INTS4: variants seen among roughly 807,000 people sequenced by gnomAD.
INTS4 encodes MSTP093.
A neutral mutation model predicts 119.5 loss-of-function variants in INTS4; 70 were observed. The observed-to-expected ratio is 0.59, with a 90% CI of 0.48 to 0.71. INTS4 has a LOEUF of 0.71. Ranked by LOEUF, INTS4 falls within the 30% of genes least tolerant of loss-of-function variation. The pLI is 0.00. For missense variants in INTS4, 867 were observed against 1,173.2 expected, an observed-to-expected ratio of 0.74 and a Z score of 3.81; for synonymous variants, 316 against 419.6, an observed-to-expected ratio of 0.75 and a Z score of 3.02.
At chr11:77,980,090 G>GATA (rs1856146844) in intron 3 of INTS4, among the ~76,000 whole-genome samples, 1 of 150,476 alleles carries the variant, frequency 6.6e-6, no homozygotes, top group Non-Finnish European at 1.5e-5. Context: ...GGCCTTCCAT[G>GATA]TTGTCTACCC....
At position 77,938,785 on chromosome 11, in the gene INTS4, C is replaced by G. The variant is rs772757790; in HGVS notation, c.1031G>C (p.Ser344Thr). ...TAHERAKELY[S>T]SGEFSSGRKW... ...TCTGCCACTGGAAAACTCCCCCGAA[C>G]TGTAAAGTTCCTTGGCACGCTCATG... The change falls in exon 10 of 23, where the codon AGT (serine) becomes ACT (threonine). Residue 344 changes from serine to threonine, a missense_variant. Coordinates refer to ENST00000534064, the MANE Select transcript of INTS4 (RefSeq NM_033547.4). The G allele has an allele frequency of 6.8e-6, 11 of 1,611,934 alleles. No homozygotes were observed. Among genetic ancestry groups the G allele is most frequent in the Non-Finnish European group, 9.3e-6 (11 of 1,179,880 alleles).
At chr11:77,971,836 A>C (rs7938648) in intron 4 of INTS4, among the ~76,000 whole-genome samples, 115,035 of 151,982 alleles carry the variant, frequency 0.76, 44,263 homozygotes, top group African/African-American at 0.89. Context: ...AATCCACTCC[A>C]AAATCCAAAG....
In INTS4 at chr11:77,994,584, G is replaced by A. The variant is rs756139388; in HGVS notation, c.54+6C>T. The A allele has an allele frequency of 6.2e-7, 1 of 1,607,422 alleles. No homozygotes were observed. Among genetic ancestry groups the A allele is most frequent in the East Asian group, 2.2e-5 (1 of 44,856 alleles). ...TCGGTTCTGGATCTTTCCCGCCAGA[G>A]CTTACCTGAACCACTTTCGTGAATT... On this transcript the variant is annotated splice_donor_region_variant and intron_variant, in intron 1 of 22. Transcript: ENST00000534064.
chr11:77,920,053 C>T (rs952356420), intron 14 of INTS4, among the ~76,000 whole-genome samples: 1 of 151,918 alleles, frequency 6.6e-6, no homozygotes, highest in Non-Finnish European at 1.5e-5. Context: ...AGATGATCCA[C>T]CCGCCTTGGC....
intron 5 of INTS4, 22 bp downstream of exon 5, chr11:77,960,931 T>G (rs745360833): frequency 1.6e-5 from 25 of 1,584,062 alleles, no homozygotes; most frequent in Non-Finnish European, 2.1e-5. Flanking sequence ...TAGCCCCAAC[T>G]AGTTTCCATA....
intron 12 of INTS4, among the ~76,000 whole-genome samples, chr11:77,923,336 A>T (rs1374823509): frequency 6.9e-6 from 1 of 145,656 alleles, no homozygotes; most frequent in Non-Finnish European, 1.5e-5. Context: ...AAAAAAAAAA[A>T]GCCAAGAGAA....
intron 4 of INTS4, among the ~76,000 whole-genome samples, chr11:77,970,345 G>A (rs1254525975): frequency 6.6e-6 from 1 of 151,856 alleles, no homozygotes; most frequent in Non-Finnish European, 1.5e-5. Flanking sequence ...GTTGCAGTGA[G>A]CCAAGATCGC....
intron 10 of INTS4, 93 bp from the exon 11 acceptor site, chr11:77,928,640 T>C (rs1167883402): frequency 1.3e-6 from 2 of 1,510,372 alleles, no homozygotes; most frequent in East Asian, 2.5e-5. Context: ...GGGAGGCAGA[T>C]CACTTGAGCC....
chr11:77,947,856 T>G (rs772283314), intron 8 of INTS4, among the ~76,000 whole-genome samples: 34 of 152,116 alleles, frequency 2.2e-4, no homozygotes, highest in Non-Finnish European at 4.4e-4. Flanking sequence ...ACTTTTTTTT[T>G]CCCCCTTGAG....
chr11:77,934,746 T>C (rs1269753103), intron 10 of INTS4, among the ~76,000 whole-genome samples: 2 of 152,234 alleles, frequency 1.3e-5, no homozygotes, highest in Non-Finnish European at 2.9e-5. Context: ...TTCCTTATTA[T>C]CCAATATTAT....
downstream of INTS4, chr11:77,877,101 T>G: frequency 1.4e-6 from 1 of 699,322 alleles, no homozygotes; most frequent in East Asian, 2.7e-5. Flanking sequence ...CTTCCCCTAG[T>G]CCCTCTTTCG....
At chr11:77,991,870 ACTGACACC>A (rs1277661721) in intron 1 of INTS4, among the ~76,000 whole-genome samples, 1 of 152,048 alleles carries the variant, frequency 6.6e-6, no homozygotes, top group African/African-American at 2.4e-5. Flanking sequence ...TGATTCTCTG[ACTGACACC>A]CAACATGCTG....
Position 77,960,337 on chromosome 11 carries a change from G to T in INTS4, c.708+4C>A. The T allele has an allele frequency of 6.3e-7, 1 of 1,587,968 alleles. No homozygotes were observed. The highest frequency in any genetic ancestry group is 1.7e-5 in the Admixed American group (1 of 59,658). ...CCCTTCCAGACAGTAATCATATAAG[G>T]TACCTGATTATAAATTGTTTGGTGT... On this transcript the variant is annotated splice_donor_region_variant and intron_variant, in intron 6 of 22. Transcript: ENST00000534064.
At chr11:77,927,719 T>A (rs1953542650) in intron 11 of INTS4, among the ~76,000 whole-genome samples, 2 of 152,144 alleles carry the variant, frequency 1.3e-5, no homozygotes, top group Admixed American at 6.5e-5. Flanking sequence ...TATAACAGCC[T>A]ATGATTCACT....
intron 12 of INTS4, chr11:77,924,416 CA>C (rs2136486461): frequency 5.7e-6 from 1 of 175,924 alleles, no homozygotes; most frequent in Non-Finnish European, 1.2e-5. Context: ...AAAAAAGTAA[CA>C]AAACAAAACA....
chr11:77,936,834 T>C (rs937720561), intron 10 of INTS4, among the ~76,000 whole-genome samples: 1 of 151,996 alleles, frequency 6.6e-6, no homozygotes, highest in Non-Finnish European at 1.5e-5. Context: ...TCCTAATGCA[T>C]GCGTAATGAA....
chr11:77,886,631 G>A (rs1420324310), intron 21 of INTS4, among the ~76,000 whole-genome samples: 3 of 152,076 alleles, frequency 2.0e-5, no homozygotes, highest in Admixed American at 2.0e-4. Flanking sequence ...ACTATCCAGC[G>A]AAACCACAGC....
Position 77,961,066 on chromosome 11 carries a change from T to C in INTS4, c.544A>G (p.Lys182Glu), listed in dbSNP as rs1591112064. 6.2e-7 allele frequency: 1 copy of C among 1,612,196 alleles called. No homozygotes were observed. Among genetic ancestry groups the C allele is most frequent in the Non-Finnish European group, 8.5e-7 (1 of 1,179,680 alleles). Residue 182 changes from lysine to glutamate, a missense_variant, in exon 5 of 23, where the codon AAA (lysine) becomes GAA (glutamate). Lys to Glu is a moderately conservative substitution (Grantham distance 56). Around this residue, in one of 5 missense-constraint regions of INTS4, gnomAD observed 224 missense variants for 231.8 expected, o/e 0.97. Coordinates refer to ENST00000534064, the MANE Select transcript of INTS4 (RefSeq NM_033547.4). ...CCTTCTGCATCTTTTGTGACACTTT[T>C]CTCCAAAGAGCCAAGATTGCCAAGT... is the stretch of plus-strand genomic sequence containing the variant. ...QLLGNLGSLEKSVTKDAEGLA... is the reference protein window; with the variant it reads ...QLLGNLGSLEESVTKDAEGLA...
intron 16 of INTS4, 93 bp downstream of exon 16, chr11:77,907,624 A>G (rs1370385955): frequency 3.6e-5 from 31 of 850,468 alleles, no homozygotes; most frequent in Non-Finnish European, 5.8e-5. Context: ...CATTAAGACC[A>G]TAAGTTTTAT....
Sources: allele counts gnomAD v4.1 joint callset (sites outside exome capture counted in the v4.1 genomes callset), GRCh38; gene constraint gnomAD v4.1.1; regional missense constraint gnomAD v4.1.1; transcripts MANE v1.5; gene names NCBI Gene and HGNC (gene_info 2026-07-23, HGNC 2026-07-21).